Variants in CRLF3 observed in about 807,000 individuals in gnomAD.
CRLF3 encodes cytokine receptor-like factor 3.
Under a neutral mutation model 55.0 loss-of-function variants are expected in CRLF3, and 33 were observed. The ratio of observed to expected loss-of-function variants is 0.60; its 90% CI spans 0.46 to 0.80. CRLF3 has a LOEUF of 0.80. Ranked by LOEUF, CRLF3 falls within the 30% of genes least tolerant of loss-of-function variation. The pLI is 0.00. For synonymous variants in CRLF3, 238 were observed against 196.8 expected, an observed-to-expected ratio of 1.21 and a Z score of -1.75; for missense variants, 494 against 538.4, an observed-to-expected ratio of 0.92 and a Z score of 0.82.
chr17:30,803,686 A>G, intron 2 of CRLF3: 1 of 549,162 alleles, frequency 1.8e-6, no homozygotes, highest in Non-Finnish European at 3.2e-6. Context: ...TTTTAAGGGG[A>G]AACCCCTTTC....
At chr17:30,807,004 T>C (rs1904425600) in intron 1 of CRLF3, among the ~76,000 whole-genome samples, 1 of 152,054 alleles carries the variant, frequency 6.6e-6, no homozygotes, top group Non-Finnish European at 1.5e-5. Context: ...TCCCAGCACT[T>C]TGGGAGGCCA....
intron 6 of CRLF3, among the ~76,000 whole-genome samples, chr17:30,787,914 C>T (rs906591042): frequency 6.6e-6 from 1 of 151,930 alleles, no homozygotes. Context: ...GTGAGAGGGT[C>T]ACTTGAACCT....
At chr17:30,797,780 T>TTG (rs201574510) in intron 2 of CRLF3, among the ~76,000 whole-genome samples, 19 of 143,516 alleles carry the variant, frequency 1.3e-4, no homozygotes, top group African/African-American at 2.8e-4. Flanking sequence ...AGGGTGTTTT[T>TTG]TTTTTTTTTT....
chr17:30,807,564 C>G (rs969328226), intron 1 of CRLF3, among the ~76,000 whole-genome samples: 35 of 109,182 alleles, frequency 3.2e-4, no homozygotes, highest in African/African-American at 1.3e-3. Context: ...CAGAGTTTCA[C>G]TCTTGTGGCC....
intron 6 of CRLF3, chr17:30,787,548 T>A (rs1358966650): frequency 7.1e-6 from 1 of 140,380 alleles, no homozygotes; most frequent in Non-Finnish European, 1.6e-5. Context: ...AAAAAAAAAT[T>A]AGTGTGAAAC....
At chr17:30,817,190 C>A (rs1904833937) in intron 1 of CRLF3, among the ~76,000 whole-genome samples, 1 of 152,118 alleles carries the variant, frequency 6.6e-6, no homozygotes, top group Non-Finnish European at 1.5e-5. Flanking sequence ...GTAATCCTAG[C>A]ACTTTTTGAG....
chr17:30,819,968 T>C (rs1352898670), intron 1 of CRLF3, among the ~76,000 whole-genome samples: 4 of 152,138 alleles, frequency 2.6e-5, no homozygotes, highest in Non-Finnish European at 5.9e-5. Context: ...ATTTATTGAG[T>C]GAATGAACAA....
chr17:30,792,592 T>C lies in CRLF3; in HGVS notation c.827-20A>G, dbSNP rs773688701. ...TCCACTCTTTTTCAAAGCAAAGATATTGAAAACTGTTAGAATCTCTTGAGG... is the reference window on the plus strand; with the variant it reads ...TCCACTCTTTTTCAAAGCAAAGATACTGAAAACTGTTAGAATCTCTTGAGG... On this transcript the variant is annotated intron_variant, in intron 5 of 7. Transcript: ENST00000324238. 12 of 1,586,218 alleles carry C rather than the reference T, an allele frequency of 7.6e-6. No individual in the cohort carries two copies. The highest frequency in any genetic ancestry group is 4.4e-5 in the South Asian group (4 of 89,962).
intron 1 of CRLF3, 45 bp from the exon 2 acceptor site, chr17:30,804,153 A>C: frequency 3.6e-6 from 5 of 1,392,786 alleles, no homozygotes; most frequent in Non-Finnish European, 5.1e-6. Context: ...TCTTTAAAAA[A>C]GGCTAATCCA....
intron 2 of CRLF3, among the ~76,000 whole-genome samples, chr17:30,802,134 T>C (rs1048431028): frequency 1.3e-5 from 2 of 152,080 alleles, no homozygotes; most frequent in African/African-American, 4.8e-5. Flanking sequence ...ATTCTTTTCT[T>C]TTTTTTGAGA....
Position 30,793,504 on chromosome 17 carries a change from C to G in CRLF3, c.772G>C (p.Glu258Gln), listed in dbSNP as rs868026969. The change falls in exon 5 of 8, where the codon GAG becomes CAG. Residue 258 changes from glutamate to glutamine, a missense_variant. Glu to Gln is a conservative substitution (Grantham distance 29). Coordinates refer to ENST00000324238, the MANE Select transcript of CRLF3 (RefSeq NM_015986.4). ...RVCARGDGRQ[E>Q]WSPWSVPQIG... is the part of the protein sequence containing the mutation. ...TGGGGGACACTCCAAGGACTCCACT[C>G]CTGTCGGCCATCTCCTCGGGCGCAG... The G allele has an allele frequency of 1.4e-5, 23 of 1,614,174 alleles. 1 individual carries two copies. In the Middle Eastern group the frequency reaches 2.5e-3, roughly 174 times the overall value.
chr17:30,822,736 G>C (rs1425846790), intron 1 of CRLF3, among the ~76,000 whole-genome samples: 2 of 151,832 alleles, frequency 1.3e-5, no homozygotes, highest in Admixed American at 1.3e-4. Context: ...TTACTCCCAG[G>C]TGCTAAACTC....
At chr17:30,809,872 A>G (rs555143210) in intron 1 of CRLF3, 1 of 152,210 alleles carries the variant, frequency 6.6e-6, no homozygotes, top group East Asian at 1.9e-4. Context: ...GCTGGTCTCG[A>G]ACTCCTGGAC....
At chr17:30,785,795 A>G in intron 7 of CRLF3, 124 bp downstream of exon 7, 1 of 578,100 alleles carries the variant, frequency 1.7e-6, no homozygotes. Flanking sequence ...AAAAAAAAAA[A>G]AGAAAAAGAA....
chr17:30,792,396 ACT>A, intron 6 of CRLF3, 42 bp downstream of exon 6: 1 of 1,574,622 alleles, frequency 6.4e-7, no homozygotes, highest in Non-Finnish European at 8.7e-7. Context: ...TATGCACTTC[ACT>A]CTGCTTCCTG....
chr17:30,792,853 C>CTTATT (rs1971837524), intron 5 of CRLF3: 1 of 68,170 alleles, frequency 1.5e-5, no homozygotes, highest in Non-Finnish European at 2.4e-5. Context: ...CTTATTCCAA[C>CTTATT]CTGATAAAAA....
intron 1 of CRLF3, among the ~76,000 whole-genome samples, chr17:30,815,456 A>G: frequency 6.6e-6 from 1 of 151,094 alleles, no homozygotes; most frequent in South Asian, 2.1e-4. Flanking sequence ...CCCTGACCTC[A>G]GGTAATCCAC....
intron 1 of CRLF3, among the ~76,000 whole-genome samples, chr17:30,806,183 T>C (rs1904397425): frequency 6.7e-6 from 1 of 150,242 alleles, no homozygotes; most frequent in African/African-American, 2.4e-5. Context: ...TTTTGAATTA[T>C]AGTGCTCTTT....
chr17:30,820,893 A>G (rs1904975151), intron 1 of CRLF3, among the ~76,000 whole-genome samples: 1 of 151,734 alleles, frequency 6.6e-6, no homozygotes, highest in African/African-American at 2.4e-5. Flanking sequence ...CTACTAAAAA[A>G]AATTAAACAA....
Sources: allele counts gnomAD v4.1 joint callset (sites outside exome capture counted in the v4.1 genomes callset), GRCh38; gene constraint gnomAD v4.1.1; transcripts MANE v1.5; gene names NCBI Gene and HGNC (gene_info 2026-07-23, HGNC 2026-07-21).